RFX3: variants seen among roughly 807,000 people sequenced by gnomAD.
RFX3 encodes the protein transcription factor RFX3.
A neutral mutation model predicts 98.6 loss-of-function variants in RFX3; 14 were observed. The ratio of observed to expected loss-of-function variants is 0.14; its 90% confidence interval spans 0.09 to 0.22. The LOEUF is 0.22. Ranked by LOEUF, RFX3 falls within the 10% of genes least tolerant of loss-of-function variation. RFX3 has a pLI of 1.00. For missense variants in RFX3, 639 were observed against 926.9 expected (o/e 0.69, Z 4.03); for synonymous variants, 383 against 328.4 (o/e 1.17, Z -1.80).
chr9:3,257,861 G>A (rs618021), intron 13 of RFX3, among the ~76,000 whole-genome samples: 149,435 of 152,258 alleles, frequency 0.98, 73,390 homozygotes, highest in Middle Eastern at 1. Context: ...AAATGTAGAC[G>A]TGCTTCCTGC....
At chr9:3,408,842 C>A (rs933413226) in intron 1 of RFX3, among the ~76,000 whole-genome samples, 2 of 152,126 alleles carry the variant, frequency 1.3e-5, no homozygotes, top group Non-Finnish European at 2.9e-5. Context: ...GCCTCTTTTT[C>A]CCCGTCCCTG....
chr9:3,270,127 G>GAAAGAAAGAAAGAAAGAAAGA (rs1563833693), intron 11 of RFX3, among the ~76,000 whole-genome samples: 6 of 41,750 alleles, frequency 1.4e-4, no homozygotes, highest in African/African-American at 6.9e-4. Flanking sequence ...AGAAAGAAAG[G>GAAAGAAAGAAAGAAAGAAAGA]AAAGAAAGAA....
chr9:3,377,110 T>C, intron 2 of RFX3, among the ~76,000 whole-genome samples: 1 of 152,180 alleles, frequency 6.6e-6, no homozygotes, highest in East Asian at 1.9e-4. Context: ...ACCCAAAGGA[T>C]TATAAATCAT....
intron 1 of RFX3, among the ~76,000 whole-genome samples, chr9:3,439,770 A>G (rs1845465303): frequency 6.6e-6 from 1 of 151,998 alleles, no homozygotes. Context: ...ATACTTCCCA[A>G]CCTAGGCTAT....
intron 9 of RFX3, 126 bp from the exon 10 acceptor site, chr9:3,271,244 A>G (rs71506631): frequency 0.057 from 37,755 of 667,948 alleles, 1,492 homozygotes; most frequent in Non-Finnish European, 0.071. Context: ...AACATGGTGA[A>G]ACTACACTAA....
chr9:3,299,256 A>C (rs1026895737), intron 5 of RFX3, among the ~76,000 whole-genome samples: 2 of 151,786 alleles, frequency 1.3e-5, no homozygotes, highest in Non-Finnish European at 2.9e-5. Context: ...ATAGTTATCA[A>C]CCAGAATGCA....
At chr9:3,500,210 G>C (rs1815828948) in intron 1 of RFX3, among the ~76,000 whole-genome samples, 2 of 152,140 alleles carry the variant, frequency 1.3e-5, no homozygotes, top group South Asian at 4.1e-4. Context: ...TGAGGATGAA[G>C]CAAGAAGAGA....
At chr9:3,500,165 C>T (rs1166095657) in intron 1 of RFX3, among the ~76,000 whole-genome samples, 1 of 152,092 alleles carries the variant, frequency 6.6e-6, no homozygotes, top group African/African-American at 2.4e-5. Context: ...CTGAAGTACA[C>T]TGAGAGGTGT....
chr9:3,404,631 T>C (rs1044655287), intron 1 of RFX3, among the ~76,000 whole-genome samples: 2 of 152,182 alleles, frequency 1.3e-5, no homozygotes, highest in African/African-American at 4.8e-5. Flanking sequence ...CTTTAGTTAA[T>C]ATCCTTAACT....
intron 8 of RFX3, 46 bp from the exon 9 acceptor site, chr9:3,275,658 C>T (rs1331282495): frequency 2.6e-6 from 3 of 1,157,634 alleles, no homozygotes; most frequent in South Asian, 1.4e-5. Context: ...GTGGATGGTG[C>T]CAATTACAGA....
chr9:3,253,052 A>G (rs1197996939), intron 14 of RFX3, among the ~76,000 whole-genome samples: 1 of 152,238 alleles, frequency 6.6e-6, no homozygotes, highest in Non-Finnish European at 1.5e-5. Flanking sequence ...AATTGACTCC[A>G]CTGAATTGTT....
chr9:3,304,086 C>A (rs1208512345), intron 4 of RFX3, among the ~76,000 whole-genome samples: 2 of 151,958 alleles, frequency 1.3e-5, no homozygotes, highest in Non-Finnish European at 2.9e-5. Context: ...CATGTTGGAA[C>A]CTACTTGGAA....
intron 4 of RFX3, among the ~76,000 whole-genome samples, chr9:3,329,797 G>A (rs1832378826): frequency 6.6e-6 from 1 of 152,176 alleles, no homozygotes; most frequent in Non-Finnish European, 1.5e-5. Flanking sequence ...GGTTTGGGAT[G>A]CTGGCTTACA....
At chr9:3,251,898 G>C (rs926186598) in intron 14 of RFX3, among the ~76,000 whole-genome samples, 3 of 151,780 alleles carry the variant, frequency 2.0e-5, no homozygotes, top group African/African-American at 7.3e-5. Context: ...GCCCAGGCTG[G>C]AGTGCAATGG....
intron 1 of RFX3, among the ~76,000 whole-genome samples, chr9:3,424,419 T>A (rs1376014074): frequency 9.9e-5 from 13 of 131,892 alleles, no homozygotes; most frequent in South Asian, 5.3e-4. Flanking sequence ...TGGAGTGCAG[T>A]GGCGCGATCT....
At chr9:3,442,836 A>G (rs191872041) in intron 1 of RFX3, among the ~76,000 whole-genome samples, 1 of 152,334 alleles carries the variant, frequency 6.6e-6, no homozygotes, top group Non-Finnish European at 1.5e-5. Context: ...GGCAAAATTT[A>G]TTAGTTATAA....
Position 3,221,095 on chromosome 9 carries a change from C to G in RFX3, c.*3947G>C, listed in dbSNP as rs142217977. ...TAAAGGTCAATTTATTGTATATAACCACTGCCTCAAATTGTACACAAAGGT... is the reference window on the plus strand; with the variant it reads ...TAAAGGTCAATTTATTGTATATAACGACTGCCTCAAATTGTACACAAAGGT... On this transcript the variant is annotated 3_prime_UTR_variant, in exon 17 of 17. Coordinates refer to ENST00000617270, the MANE Select transcript of RFX3 (RefSeq NM_001282116.2). The G allele has an allele frequency of 2.6e-5, 4 of 152,146 alleles. No individual in the cohort carries two copies. In the East Asian group the frequency reaches 7.7e-4, roughly 29 times the overall value. The allele number at this position is 152,146 out of a possible 1,614,324, so 9.4% of individuals were successfully genotyped here.
chr9:3,352,990 A>C lies in RFX3; in HGVS notation c.118-6226T>G, dbSNP rs181501269. ...AGACTGGATTAAGAAAATGTGGCAC[A>C]TATACACCATGGAATACTATGCAGC... On this transcript the variant is annotated intron_variant, in intron 2 of 16. Transcript: ENST00000617270. 2.8e-3 allele frequency among the ~76,000 whole-genome samples: 433 copies of C among 152,126 alleles called. 1 individual carries two copies. Among genetic ancestry groups the C allele is most frequent in the Non-Finnish European group, 3.7e-3 (249 of 67,960 alleles).
intron 5 of RFX3, among the ~76,000 whole-genome samples, chr9:3,299,095 C>T (rs1034898462): frequency 1.3e-5 from 2 of 151,486 alleles, no homozygotes; most frequent in African/African-American, 2.4e-5. Context: ...TATATTATGC[C>T]CCATATAGTG....
Sources: gnomAD v4.1 joint callset for allele counts (sites outside exome capture counted in the v4.1 genomes callset) on GRCh38, gnomAD v4.1.1 for gene constraint, MANE v1.5 for transcripts, NCBI Gene and HGNC (gene_info 2026-07-23, HGNC 2026-07-21) for gene names.